FOXN1: variants seen among roughly 807,000 people sequenced by gnomAD.
FOXN1 encodes the protein forkhead box protein N1.
FOXN1 carries 15 observed loss-of-function variants against 49.0 expected under a neutral mutation model. That is an observed-to-expected ratio of 0.31 (90% CI 0.20 to 0.47). FOXN1 has a LOEUF of 0.47. Ranked by LOEUF, FOXN1 falls within the 20% of genes least tolerant of loss-of-function variation. The pLI, the probability that FOXN1 is intolerant of heterozygous loss-of-function variation, is 1.00. For synonymous variants in FOXN1, 356 were observed against 369.0 expected, an observed-to-expected ratio of 0.96 and a Z score of 0.40; for missense variants, 800 against 842.8, an observed-to-expected ratio of 0.95 and a Z score of 0.63.
chr17:28,509,139 C>G (rs2069331779), intron 1 of FOXN1, among the ~76,000 whole-genome samples: 1 of 151,938 alleles, frequency 6.6e-6, no homozygotes, highest in African/African-American at 2.4e-5. Context: ...GAAGCACGAA[C>G]CACATGGTTC....
intron 6 of FOXN1, among the ~76,000 whole-genome samples, chr17:28,533,780 C>T (rs2069977728): frequency 6.6e-6 from 1 of 152,204 alleles, no homozygotes; most frequent in Non-Finnish European, 1.5e-5. Flanking sequence ...GTGCAATGCA[C>T]ACACCGCACA....
At position 28,538,782 on chromosome 17, in the gene FOXN1, G is replaced by A. The variant is rs1477149767; in HGVS notation, c.*1346G>A. The A allele has an allele frequency of 6.6e-6, 1 of 152,226 alleles. No individual in the cohort carries two copies. Among genetic ancestry groups the A allele is most frequent in the Non-Finnish European group, 1.5e-5 (1 of 68,074 alleles). The allele number at this position is 152,226 out of a possible 1,614,324, so 9.4% of individuals were successfully genotyped here. A position where few individuals can be genotyped will look rare whatever the true frequency, so the allele number is the denominator to read the frequency against. On this transcript the variant is annotated 3_prime_UTR_variant, in exon 9 of 9. Coordinates refer to ENST00000579795, the MANE Select transcript of FOXN1 (RefSeq NM_001369369.1). ...AACCTCAGCCCACCCTGGGCCTGGG[G>A]GTGACAAGAACTTCCACAGGTTGGC...
chr17:28,530,626 CCTT>C lies in FOXN1; in HGVS notation c.831-120_831-118del, dbSNP rs1347526649. On this transcript the variant is annotated intron_variant, in intron 5 of 8. Coordinates refer to ENST00000579795, the MANE Select transcript of FOXN1 (RefSeq NM_001369369.1). ...ACTTCCGTGCTCACTTCAATGGACA[CCTT>C]CTCATTCCCTTCTCTTTCACCTCCA... The C allele has an allele frequency of 5.6e-6, 4 of 717,850 alleles. No individual in the cohort carries two copies. The Admixed American group carries it at 5.9e-5, about 11-fold the overall frequency. The allele number at this position is 717,850 out of a possible 1,614,324, so 44.5% of individuals were successfully genotyped here.
intron 3 of FOXN1, 129 bp from the exon 4 acceptor site, chr17:28,527,122 C>T: frequency 1.4e-6 from 1 of 725,680 alleles, no homozygotes; most frequent in Non-Finnish European, 2.5e-6. Context: ...TCTCTGTTCT[C>T]TGTTGTTCTC....
rs1168168787 is a variant in FOXN1, at chr17:28,524,940, C to G, written c.561C>G (p.Pro187=). 5 of 1,611,714 alleles carry G rather than the reference C, an allele frequency of 3.1e-6. No homozygotes were observed. The highest frequency in any genetic ancestry group is 4.2e-6 in the Non-Finnish European group (5 of 1,179,912). Residue 187 remains proline, a synonymous_variant, in exon 3 of 9, where the codon CCC becomes CCG. Coordinates refer to ENST00000579795, the MANE Select transcript of FOXN1 (RefSeq NM_001369369.1). The part of the protein sequence containing the change: ...AEAWCNGLPY[P]SQEHGPQVLG... Reference sequence around the variant, plus strand: ...CCTGGTGTAACGGGCTCCCCTACCCCAGCCAGGAGCATGGCCCCCAAGTCC... The same window carrying G: ...CCTGGTGTAACGGGCTCCCCTACCCGAGCCAGGAGCATGGCCCCCAAGTCC...
At chr17:28,516,585 TCCATACCTCCATA>T in intron 1 of FOXN1, among the ~76,000 whole-genome samples, 1 of 147,810 alleles carries the variant, frequency 6.8e-6, no homozygotes, top group Non-Finnish European at 1.5e-5. Context: ...CTCCACAGGA[TCCATACCTCCATA>T]GGGTACACAC....
intron 1 of FOXN1, among the ~76,000 whole-genome samples, chr17:28,515,891 C>A (rs1481786888): frequency 6.8e-6 from 1 of 146,516 alleles, no homozygotes; most frequent in African/African-American, 2.5e-5. Context: ...GTGAACATAT[C>A]TCTACAGTGT....
At position 28,537,304 on chromosome 17, in the gene FOXN1, C is replaced by A; in HGVS notation, c.1815C>A (p.Ser605=). ...GDLAAPGSGG[S]GALGDLHLTT... is the part of the protein sequence containing the mutation. ...TGGCAGCCCCGGGCAGTGGTGGCTCCGGGGCACTGGGTGACCTGCACCTCA... is the reference window on the plus strand; with the variant it reads ...TGGCAGCCCCGGGCAGTGGTGGCTCAGGGGCACTGGGTGACCTGCACCTCA... Residue 605 remains serine (S), a synonymous_variant, in exon 9 of 9, where the codon TCC becomes TCA. Transcript: ENST00000579795. 6.2e-7 allele frequency: 1 copy of A among 1,613,824 alleles called. No individual in the cohort carries two copies. The highest frequency in any genetic ancestry group is 1.1e-5 in the South Asian group (1 of 91,072).
At chr17:28,514,361 G>A (rs2069450788) in intron 1 of FOXN1, among the ~76,000 whole-genome samples, 1 of 152,180 alleles carries the variant, frequency 6.6e-6, no homozygotes, top group South Asian at 2.1e-4. Context: ...CAGATCTCAA[G>A]GCAGGGGCAC....
chr17:28,517,248 CCATACCTCCACAGGGA>C (rs2069533015), intron 1 of FOXN1, among the ~76,000 whole-genome samples: 1 of 137,074 alleles, frequency 7.3e-6, no homozygotes, highest in African/African-American at 2.8e-5. Flanking sequence ...TCCACAGGAT[CCATACCTCCACAGGGA>C]CACACCTCCA....
chr17:28,534,006 T>C lies in FOXN1; in HGVS notation c.928-325T>C. 6.6e-6 allele frequency among the ~76,000 whole-genome samples: 1 copy of C among 152,040 alleles called. No homozygotes were observed. Among genetic ancestry groups the C allele is most frequent in the East Asian group, 1.9e-4 (1 of 5,186 alleles). ...TGGCTCAGCTTCAGATGGGAGAGTG[T>C]TGTGGGTCAGAAGGCCTCTGTAGCG... On this transcript the variant is annotated intron_variant, in intron 6 of 8. Transcript: ENST00000579795. The surrounding 1 kb of genome is among the most constrained non-coding windows in gnomAD (Gnocchi z 4.1).
Position 28,537,164 on chromosome 17 carries a change from C to A in FOXN1, c.1675C>A (p.Leu559Met). The A allele has an allele frequency of 1.2e-6, 2 of 1,614,120 alleles. No homozygotes were observed. The highest frequency in any genetic ancestry group is 1.7e-6 in the Non-Finnish European group (2 of 1,179,974). The change falls in exon 9 of 9, where the codon CTG becomes ATG. Residue 559 changes from leucine to methionine, a missense_variant. Leu to Met is a conservative substitution (Grantham distance 15, BLOSUM62 2). Around this residue, in one of 3 missense-constraint regions of FOXN1, gnomAD observed 344 missense variants for 366.1 expected, o/e 0.94. Coordinates refer to ENST00000579795, the MANE Select transcript of FOXN1 (RefSeq NM_001369369.1). ...LKDDSLALDP[L>M]VLVTSSPTSS... The stretch of plus-strand genomic sequence containing the variant: ...GGATGATAGCTTGGCCCTCGACCCC[C>A]TGGTACTGGTGACCTCATCCCCGAC...
chr17:28,536,870 C>T (rs2070077263), intron 8 of FOXN1, among the ~76,000 whole-genome samples: 1 of 152,072 alleles, frequency 6.6e-6, no homozygotes, highest in South Asian at 2.1e-4. Flanking sequence ...CAATGCCCAC[C>T]CCCCAAAAAG....
intron 8 of FOXN1, among the ~76,000 whole-genome samples, chr17:28,536,354 G>A (rs985160533): frequency 2.0e-5 from 3 of 152,216 alleles, no homozygotes; most frequent in Non-Finnish European, 4.4e-5. Flanking sequence ...CATCAGGCTG[G>A]CTGCTCTCTA....
intron 1 of FOXN1, among the ~76,000 whole-genome samples, chr17:28,511,787 T>C (rs1343683054): frequency 6.6e-6 from 1 of 151,540 alleles, no homozygotes; most frequent in African/African-American, 2.4e-5. Context: ...GAGGACTCAC[T>C]GTGAGGGAAA....
At chr17:28,511,684 C>T (rs1465342527) in intron 1 of FOXN1, among the ~76,000 whole-genome samples, 1 of 152,000 alleles carries the variant, frequency 6.6e-6, no homozygotes, top group South Asian at 2.1e-4. Flanking sequence ...GATGAGGACT[C>T]CATTTTATAA....
At chr17:28,528,475 G>A (rs1356428180) in intron 4 of FOXN1, among the ~76,000 whole-genome samples, 3 of 208 alleles carry the variant, frequency 0.014, no homozygotes, top group African/African-American at 0.056. Context: ...AGCCTGGACC[G>A]AGGTGACTCA....
intron 6 of FOXN1, among the ~76,000 whole-genome samples, chr17:28,533,365 G>GCCA (rs201634031): frequency 0.019 from 2,883 of 152,172 alleles, 33 homozygotes; most frequent in Middle Eastern, 0.044. Flanking sequence ...TGGCACTCCC[G>GCCA]CCACCGCCTC....
At chr17:28,522,481 T>C (rs1197281818) in intron 1 of FOXN1, among the ~76,000 whole-genome samples, 1 of 152,048 alleles carries the variant, frequency 6.6e-6, no homozygotes, top group African/African-American at 2.4e-5. Context: ...ATCCCTTCTC[T>C]ACTAAAAATA....
Sources: gnomAD v4.1 joint callset for allele counts (sites outside exome capture counted in the v4.1 genomes callset) on GRCh38, gnomAD v4.1.1 for gene constraint, gnomAD v4.1.1 regional missense constraint, Gnocchi (gnomAD v3.1) non-coding constraint, MANE v1.5 for transcripts, NCBI Gene and HGNC (gene_info 2026-07-23, HGNC 2026-07-21) for gene names.